The following HIGD1C variants were observed in gnomAD, a reference collection of about 807,000 sequenced individuals.
HIGD1C encodes the protein HIG1 hypoxia inducible domain family member 1C.
A neutral mutation model predicts 13.1 loss-of-function variants in HIGD1C; 11 were observed. The observed-to-expected ratio is 0.84, with a 90% confidence interval of 0.53 to 1.39. The LOEUF (loss-of-function observed/expected upper bound fraction) is 1.39, where lower values mean the gene tolerates loss of function less well. Ranked by LOEUF, HIGD1C falls within the 40% of genes most tolerant of loss-of-function variation. The probability of loss-of-function intolerance (pLI) is 0.00; values close to 1 mark genes in which losing one functional copy is unlikely to be tolerated. For synonymous variants in HIGD1C, 36 were observed against 37.7 expected (o/e 0.95, Z 0.17); for missense variants, 110 against 112.0 (o/e 0.98, Z 0.08).
chr12:50,955,519 C>T (rs747585476), intron 1 of HIGD1C, among the ~76,000 whole-genome samples: 1 of 152,262 alleles, frequency 6.6e-6, no homozygotes, highest in South Asian at 2.1e-4. Flanking sequence ...AAATAGTTTA[C>T]TTAAATCAGA....
At chr12:50,934,082 T>G in the HIGD1C span, among the ~76,000 whole-genome samples, 1 of 152,204 alleles carries the variant, frequency 6.6e-6, no homozygotes, top group East Asian at 1.9e-4. Flanking sequence ...GCTCCTTGGT[T>G]GTGGTCATTG....
chr12:50,972,275 G>GT (rs1301364797), downstream of HIGD1C, among the ~76,000 whole-genome samples: 2 of 152,176 alleles, frequency 1.3e-5, no homozygotes, highest in African/African-American at 4.8e-5. Flanking sequence ...ACAAAACCCA[G>GT]TAAGTTCCAC....
intron 2 of HIGD1C, among the ~76,000 whole-genome samples, chr12:50,969,398 T>C (rs756451601): frequency 9.9e-5 from 15 of 152,204 alleles, no homozygotes; most frequent in Middle Eastern, 3.4e-3. Context: ...ACCTGTGCCA[T>C]GTAGAAATCT....
At chr12:50,965,470 C>A (rs982692996) in intron 2 of HIGD1C, among the ~76,000 whole-genome samples, 1 of 152,056 alleles carries the variant, frequency 6.6e-6, no homozygotes, top group African/African-American at 2.4e-5. Flanking sequence ...ACTATAATAG[C>A]CCTTACTTTG....
intron 1 of HIGD1C, among the ~76,000 whole-genome samples, chr12:50,957,921 GTA>G (rs1379984831): frequency 6.9e-6 from 1 of 145,590 alleles, no homozygotes; most frequent in Admixed American, 6.9e-5. Flanking sequence ...AGAGACTACT[GTA>G]TTCATGAATT....
At chr12:50,948,473 A>G in the HIGD1C span, among the ~76,000 whole-genome samples, 1 of 152,126 alleles carries the variant, frequency 6.6e-6, no homozygotes, top group African/African-American at 2.4e-5. Flanking sequence ...ATATATTAAA[A>G]CCTTGTAGGG....
chr12:50,954,603 G>C (rs1939021011), intron 1 of HIGD1C, among the ~76,000 whole-genome samples: 1 of 152,130 alleles, frequency 6.6e-6, no homozygotes, highest in African/African-American at 2.4e-5. Context: ...GCTCATGCCT[G>C]TAATCCCAGC....
At chr12:50,951,135 T>C (rs1938886342), upstream of HIGD1C, among the ~76,000 whole-genome samples, 1 of 152,100 alleles carries the variant, frequency 6.6e-6, no homozygotes, top group Non-Finnish European at 1.5e-5. Flanking sequence ...AAAGTACCTG[T>C]TCAGAAACTA....
At chr12:50,960,941 A>G (rs1438498852) in intron 1 of HIGD1C, 27 bp from the exon 4 acceptor site, 33 of 1,539,386 alleles carry the variant, frequency 2.1e-5, no homozygotes, top group Non-Finnish European at 2.7e-5. Flanking sequence ...CAGCCTTCCA[A>G]ATAACCCATA....
intron 1 of HIGD1C, among the ~76,000 whole-genome samples, chr12:50,957,032 T>G (rs1377574394): frequency 6.6e-6 from 1 of 152,000 alleles, no homozygotes; most frequent in East Asian, 1.9e-4. Context: ...ACATTAGTCA[T>G]TTTTATTTAT....
At chr12:50,950,670 ATTTTTTTT>A (rs57553489), upstream of HIGD1C, among the ~76,000 whole-genome samples, 1 of 87,672 alleles carries the variant, frequency 1.1e-5, no homozygotes, top group South Asian at 3.8e-4. Context: ...TGCCCAGCTA[ATTTTTTTT>A]TTTTTTTTTT....
chr12:50,950,790 C>T (rs1938877845), upstream of HIGD1C, among the ~76,000 whole-genome samples: 1 of 150,646 alleles, frequency 6.6e-6, no homozygotes, highest in Non-Finnish European at 1.5e-5. Context: ...CATTCTCCTG[C>T]CTCAGCCTCC....
At chr12:50,951,829 G>C (rs1938904792), upstream of HIGD1C, among the ~76,000 whole-genome samples, 1 of 151,150 alleles carries the variant, frequency 6.6e-6, no homozygotes, top group Non-Finnish European at 1.5e-5. Flanking sequence ...GGCTGAGGCA[G>C]GAGAATTGCT....
At chr12:50,959,388 G>A (rs772146005) in intron 1 of HIGD1C, among the ~76,000 whole-genome samples, 6 of 152,090 alleles carry the variant, frequency 3.9e-5, no homozygotes, top group Non-Finnish European at 7.4e-5. Context: ...CCAAAGTGCT[G>A]GGATTATAGG....
chr12:50,971,416 C>G (rs1442677823), downstream of HIGD1C, among the ~76,000 whole-genome samples: 1 of 152,156 alleles, frequency 6.6e-6, no homozygotes. Flanking sequence ...TTTGTTTATT[C>G]ATTTTTAGAC....
At chr12:50,933,286 A>T in the HIGD1C span, among the ~76,000 whole-genome samples, 1 of 152,226 alleles carries the variant, frequency 6.6e-6, no homozygotes, top group Non-Finnish European at 1.5e-5. Context: ...ACATATTTAT[A>T]ATCATTTTAA....
upstream of HIGD1C, among the ~76,000 whole-genome samples, chr12:50,952,508 G>C (rs1424499955): frequency 1.3e-5 from 2 of 152,118 alleles, no homozygotes; most frequent in Non-Finnish European, 2.9e-5. Flanking sequence ...GGGGCCCCAA[G>C]GCTACAAGGT....
intron 2 of HIGD1C, among the ~76,000 whole-genome samples, chr12:50,965,827 T>C (rs1773147087): frequency 6.6e-6 from 1 of 152,218 alleles, no homozygotes; most frequent in Admixed American, 6.5e-5. Flanking sequence ...TACATCTATT[T>C]TTGTCTGTCG....
chr12:50,932,031 C>G, the HIGD1C span: 10 of 152,118 alleles, frequency 6.6e-5, no homozygotes, highest in Non-Finnish European at 1.5e-4. Flanking sequence ...CATTCCAGTT[C>G]TCAAGTCTTA....
Sources: allele counts gnomAD v4.1 joint callset (sites outside exome capture counted in the v4.1 genomes callset), GRCh38; gene constraint gnomAD v4.1.1; transcripts MANE v1.5; gene names NCBI Gene and HGNC (gene_info 2026-07-23, HGNC 2026-07-21).